Variants in SGCE observed in about 807,000 individuals in gnomAD.
SGCE encodes sarcoglycan epsilon, also known as epsilon-sarcoglycan.
In SGCE, 26 loss-of-function variants were observed where a neutral mutation model predicts 57.8. The observed-to-expected ratio is 0.45, with a 90% CI of 0.33 to 0.62. The LOEUF (loss-of-function observed/expected upper bound fraction) is 0.62. SGCE is among the 20% of genes least tolerant of loss of function. SGCE has a pLI of 0.02. For missense variants in SGCE, 468 were observed against 548.6 expected (o/e 0.85, Z 1.47); for synonymous variants, 183 against 189.5 (o/e 0.97, Z 0.28).
intron 5 of SGCE, among the ~76,000 whole-genome samples, chr7:94,606,191 G>A (rs1451276655): frequency 6.6e-6 from 1 of 152,134 alleles, no homozygotes; most frequent in Non-Finnish European, 1.5e-5. Flanking sequence ...GACTGTCAGA[G>A]TGGATTGAAA....
At chr7:94,630,292 C>T (rs1029270334) in intron 1 of SGCE, among the ~76,000 whole-genome samples, 2 of 151,674 alleles carry the variant, frequency 1.3e-5, no homozygotes, top group Admixed American at 6.6e-5. Flanking sequence ...CCATACTATA[C>T]TAATTGTTTT....
rs572107071 is a variant in SGCE, at chr7:94,623,339, A to G, written c.449T>C (p.Ile150Thr). ...TTCATACCTACCTTCTGCAGACATT[A>G]TATTAATTATCAAATTATGCCTTGC... ...ETARHNLIIN[I>T]MSAEDFPLPY... Residue 150 changes from isoleucine to threonine, a missense_variant, in exon 4 of 11, where the codon ATA (isoleucine) becomes ACA (threonine). Transcript: ENST00000648936. The G allele has an allele frequency of 1.8e-5, 29 of 1,593,276 alleles. 2 individuals are homozygous for G. The South Asian group carries it at 3.2e-4, about 18-fold the overall frequency.
intron 8 of SGCE, 63 bp from the exon 9 acceptor site, chr7:94,599,026 A>AATTTGAAAATTATGAAGT: frequency 8.3e-7 from 1 of 1,204,328 alleles, no homozygotes; most frequent in Non-Finnish European, 1.2e-6. Context: ...ATGGGTCATC[A>AATTTGAAAATTATGAAGT]ATTTGAAAAA....
chr7:94,654,500 A>T (rs553828787), intron 1 of SGCE, among the ~76,000 whole-genome samples: 1 of 152,376 alleles, frequency 6.6e-6, no homozygotes, highest in East Asian at 1.9e-4. Context: ...ATCTTGCAGA[A>T]GAGGGTGAAC....
At chr7:94,638,338 T>A (rs1209171726) in intron 1 of SGCE, among the ~76,000 whole-genome samples, 3 of 152,138 alleles carry the variant, frequency 2.0e-5, no homozygotes, top group African/African-American at 7.2e-5. Context: ...GTGAAAGAGA[T>A]CTGGGGGTAG....
Position 94,620,771 on chromosome 7 carries a change from T to C in SGCE, c.464-1815A>G, listed in dbSNP as rs527452409. 3 of 152,386 alleles carry C rather than the reference T, an allele frequency of 2.0e-5. No homozygotes were observed. In the East Asian group the frequency reaches 5.8e-4, roughly 29 times the overall value. 9.4% of individuals were successfully genotyped at this position (152,386 alleles called of 1,614,324 possible). The stretch of plus-strand genomic sequence containing the variant: ...TGACCCAGCTTCATGGCTCCTTTTC[T>C]GAGACCTGCTGCAAAGCCTGTGGTT... On this transcript the variant is annotated intron_variant, in intron 4 of 10. Coordinates refer to ENST00000648936, the MANE Select transcript of SGCE (RefSeq NM_003919.3).
At chr7:94,636,561 G>A (rs1017059756) in intron 1 of SGCE, among the ~76,000 whole-genome samples, 2 of 152,274 alleles carry the variant, frequency 1.3e-5, no homozygotes, top group Admixed American at 6.5e-5. Flanking sequence ...TGTCAAAGAA[G>A]CTGATGGCCC....
In SGCE at chr7:94,601,443, CAAAAAAAAAAAAAAAA is replaced by C. The variant is rs71123905; in HGVS notation, c.826-602_826-587del. ...GTCTTACTTAATTCTATCCCAGTAT[CAAAAAAAAAAAAAAAA>C]AAAAAAAAAAAAAAAAACTACAACA... On this transcript the variant is annotated intron_variant, in intron 6 of 10. Transcript: ENST00000648936. 4.1e-4 allele frequency among the ~76,000 whole-genome samples: 37 copies of C among 89,334 alleles called. 1 individual carries two copies. The South Asian group carries it at 8.7e-3, about 21-fold the overall frequency. The allele number at this position is 89,334 out of a possible 152,430, so 58.6% of individuals were successfully genotyped here. A position where few individuals can be genotyped will look rare whatever the true frequency, so the allele number is the denominator to read the frequency against.
intron 3 of SGCE, 111 bp downstream of exon 3, chr7:94,628,091 C>A: frequency 3.9e-6 from 3 of 763,466 alleles, no homozygotes; most frequent in South Asian, 1.6e-5. Context: ...TATTAAAAAC[C>A]ACCATCAGGT....
At chr7:94,631,771 A>G (rs1804765503) in intron 1 of SGCE, among the ~76,000 whole-genome samples, 1 of 151,922 alleles carries the variant, frequency 6.6e-6, no homozygotes, top group Admixed American at 6.6e-5. Context: ...TCCTGCTAAA[A>G]AGTCATTTCA....
At chr7:94,625,232 A>G (rs1247546146) in intron 3 of SGCE, 3 of 152,054 alleles carry the variant, frequency 2.0e-5, no homozygotes, top group Non-Finnish European at 2.9e-5. Flanking sequence ...AATATTATAT[A>G]TTTAAGATAC....
At chr7:94,614,392 A>C (rs547376923) in intron 5 of SGCE, among the ~76,000 whole-genome samples, 1 of 152,310 alleles carries the variant, frequency 6.6e-6, no homozygotes, top group African/African-American at 2.4e-5. Flanking sequence ...TTTTAGTATC[A>C]ACCATTTCCT....
chr7:94,652,171 G>A (rs151268503), intron 1 of SGCE, among the ~76,000 whole-genome samples: 2 of 152,190 alleles, frequency 1.3e-5, no homozygotes, highest in South Asian at 2.1e-4. Context: ...TGGACTAAGC[G>A]ATCTCCCCTC....
intron 9 of SGCE, 153 bp downstream of exon 9, chr7:94,598,622 G>A (rs1314716735): frequency 2.9e-6 from 2 of 694,568 alleles, no homozygotes; most frequent in Non-Finnish European, 5.2e-6. Context: ...GTATATTTCA[G>A]GAGAGTAGGG....
intron 8 of SGCE, 126 bp downstream of exon 8, chr7:94,599,571 C>T (rs958853589): frequency 3.8e-6 from 3 of 799,186 alleles, no homozygotes; most frequent in Admixed American, 2.1e-5. Context: ...GCAGCTTTCA[C>T]ATTTATGAAA....
intron 4 of SGCE, chr7:94,621,013 C>T (rs1802683133): frequency 6.6e-6 from 1 of 152,240 alleles, no homozygotes; most frequent in African/African-American, 2.4e-5. Context: ...TAGAGAATCA[C>T]TTTATGTACT....
intron 1 of SGCE, among the ~76,000 whole-genome samples, chr7:94,651,861 G>A (rs764987936): frequency 6.6e-6 from 1 of 152,174 alleles, no homozygotes; most frequent in African/African-American, 2.4e-5. Flanking sequence ...CTATCAACCT[G>A]AAAACTTGAA....
At chr7:94,611,753 CA>C (rs1346165263) in intron 5 of SGCE, among the ~76,000 whole-genome samples, 1 of 151,992 alleles carries the variant, frequency 6.6e-6, no homozygotes, top group Non-Finnish European at 1.5e-5. Flanking sequence ...AAGTCATGAC[CA>C]AGCCAGAGAT....
At chr7:94,638,672 T>G (rs1179337589) in intron 1 of SGCE, among the ~76,000 whole-genome samples, 5 of 152,054 alleles carry the variant, frequency 3.3e-5, no homozygotes, top group African/African-American at 1.2e-4. Flanking sequence ...AAGTGCAAGT[T>G]CATAATGGTA....
Sources: gnomAD v4.1 joint callset for allele counts (sites outside exome capture counted in the v4.1 genomes callset) on GRCh38, gnomAD v4.1.1 for gene constraint, MANE v1.5 for transcripts, NCBI Gene and HGNC (gene_info 2026-07-23, HGNC 2026-07-21) for gene names.